The following PIK3C2G variants were observed in gnomAD, a reference collection of about 807,000 sequenced individuals.
The protein encoded by PIK3C2G is phosphatidylinositol 3-kinase C2 domain-containing subunit gamma.
Under a neutral mutation model 181.1 loss-of-function variants are expected in PIK3C2G, and 168 were observed. The ratio of observed to expected loss-of-function variants is 0.93; its 90% CI spans 0.82 to 1.05. PIK3C2G has a LOEUF of 1.05. PIK3C2G is among the 50% of genes least tolerant of loss of function. PIK3C2G has a pLI of 0.00. For synonymous variants in PIK3C2G, 573 were observed against 592.2 expected, an observed-to-expected ratio of 0.97 and a Z score of 0.47; for missense variants, 1,869 against 1,732.8, an observed-to-expected ratio of 1.08 and a Z score of -1.40.
At chr12:18,607,300 T>C (rs938712451) in intron 30 of PIK3C2G, 6 of 393,370 alleles carry the variant, frequency 1.5e-5, no homozygotes, top group Admixed American at 8.9e-5. Flanking sequence ...CGAATGAAAG[T>C]ATAGAATAGC....
At chr12:18,680,514 AG>A in the PIK3C2G span, among the ~76,000 whole-genome samples, 2 of 152,036 alleles carry the variant, frequency 1.3e-5, no homozygotes, top group African/African-American at 4.8e-5. Flanking sequence ...CCCAGACAAA[AG>A]TCCAGATAAG....
intron 16 of PIK3C2G, among the ~76,000 whole-genome samples, chr12:18,408,561 G>A (rs1944674176): frequency 6.6e-6 from 1 of 151,968 alleles, no homozygotes; most frequent in Non-Finnish European, 1.5e-5. Flanking sequence ...CAGACAAATG[G>A]GATCTAATTA....
chr12:18,451,874 G>A (rs1056297299), intron 18 of PIK3C2G, among the ~76,000 whole-genome samples: 3 of 152,110 alleles, frequency 2.0e-5, no homozygotes, highest in African/African-American at 7.2e-5. Context: ...GGATTATGTT[G>A]ATTGATTTGC....
At chr12:18,608,250 ATGCACACGTATGTTTAT>A (rs1565557754) in intron 30 of PIK3C2G, among the ~76,000 whole-genome samples, 2 of 152,136 alleles carry the variant, frequency 1.3e-5, no homozygotes, top group African/African-American at 4.8e-5. Context: ...ATAAAGACAC[ATGCACACGTATGTTTAT>A]TGCGGCACTA....
At chr12:18,608,808 C>A (rs1480456671) in intron 30 of PIK3C2G, among the ~76,000 whole-genome samples, 1 of 152,136 alleles carries the variant, frequency 6.6e-6, no homozygotes, top group African/African-American at 2.4e-5. Context: ...CAATGGAAAT[C>A]TCTGAAAGGC....
chr12:18,538,417 G>A (rs955609154), intron 25 of PIK3C2G, 105 bp downstream of exon 25: 69 of 869,718 alleles, frequency 7.9e-5, no homozygotes, highest in African/African-American at 3.6e-4. Context: ...GGAGCTATTC[G>A]GAAGAGAAAG....
chr12:18,491,354 C>G, intron 19 of PIK3C2G, 97 bp from the exon 20 acceptor site: 2 of 676,958 alleles, frequency 3.0e-6, no homozygotes, highest in Non-Finnish European at 5.1e-6. Context: ...ACCCTGAATT[C>G]AAGAATTCAT....
At chr12:18,308,899 G>T (rs1181120669) in intron 5 of PIK3C2G, among the ~76,000 whole-genome samples, 1 of 151,648 alleles carries the variant, frequency 6.6e-6, no homozygotes, top group Non-Finnish European at 1.5e-5. Flanking sequence ...TATGTGTTTA[G>T]AAATCTTTTA....
intron 31 of PIK3C2G, among the ~76,000 whole-genome samples, chr12:18,609,951 A>T (rs1948250258): frequency 6.6e-6 from 1 of 152,094 alleles, no homozygotes; most frequent in Admixed American, 6.6e-5. Context: ...GCTGGGTCCC[A>T]TATTTCCTTC....
At chr12:18,669,115 G>T in the PIK3C2G span, among the ~76,000 whole-genome samples, 2 of 152,138 alleles carry the variant, frequency 1.3e-5, no homozygotes, top group African/African-American at 4.8e-5. Flanking sequence ...ATAAACAACA[G>T]TTCATTTAAG....
the PIK3C2G span, among the ~76,000 whole-genome samples, chr12:18,686,765 G>A: frequency 2.4e-4 from 37 of 152,078 alleles, no homozygotes; most frequent in South Asian, 2.1e-3. Context: ...AGAAGAGTTC[G>A]TTGGTCCATA....
chr12:18,601,171 T>A (rs977595260), intron 30 of PIK3C2G, among the ~76,000 whole-genome samples: 39 of 152,034 alleles, frequency 2.6e-4, no homozygotes, highest in African/African-American at 8.9e-4. Context: ...ATAATACATA[T>A]TATCATATTG....
In PIK3C2G at chr12:18,637,183, C is replaced by T. The variant is rs552867288; in HGVS notation, c.4183-3246C>T. ...TCTGATTATATCCTTTCCCCTAGTG[C>T]ACAGTTTTCCTCGTAAAAACCCATA... On this transcript the variant is annotated intron_variant, in intron 31 of 32. Transcript: ENST00000538779. Among the ~76,000 whole-genome samples, 5 of 152,162 alleles carry T rather than the reference C, an allele frequency of 3.3e-5. No homozygotes were observed. The South Asian group carries it at 1.0e-3, about 32-fold the overall frequency.
At chr12:18,715,045 C>A in the PIK3C2G span, among the ~76,000 whole-genome samples, 1 of 151,262 alleles carries the variant, frequency 6.6e-6, no homozygotes, top group East Asian at 2.0e-4. Flanking sequence ...ATATGCAGTC[C>A]CTTTCTAGGG....
intron 1 of PIK3C2G, among the ~76,000 whole-genome samples, chr12:18,280,835 T>C (rs1294191459): frequency 6.6e-6 from 1 of 150,392 alleles, no homozygotes; most frequent in Non-Finnish European, 1.5e-5. Flanking sequence ...AAGCTTTAAA[T>C]GACAATTATG....
At chr12:18,560,504 T>C (rs1337079511) in intron 26 of PIK3C2G, among the ~76,000 whole-genome samples, 1 of 151,642 alleles carries the variant, frequency 6.6e-6, no homozygotes, top group African/African-American at 2.4e-5. Context: ...AAAGAAAACA[T>C]GATTTTACAA....
intron 1 of PIK3C2G, among the ~76,000 whole-genome samples, chr12:18,250,827 T>G (rs983370781): frequency 2.0e-5 from 3 of 152,028 alleles, no homozygotes; most frequent in African/African-American, 7.2e-5. Context: ...TTAATAAAAT[T>G]TATCTATAAA....
At chr12:18,524,007 C>T (rs111298411) in intron 24 of PIK3C2G, among the ~76,000 whole-genome samples, 1 of 152,272 alleles carries the variant, frequency 6.6e-6, no homozygotes, top group African/African-American at 2.4e-5. Flanking sequence ...TATGGCACCT[C>T]CACTGGCCAG....
chr12:18,582,639 G>C (rs1946562863), intron 29 of PIK3C2G, among the ~76,000 whole-genome samples: 1 of 152,194 alleles, frequency 6.6e-6, no homozygotes, highest in Admixed American at 6.5e-5. Context: ...GAACCTGGCA[G>C]GATGAGACCC....
Sources: gnomAD v4.1 joint callset for allele counts (sites outside exome capture counted in the v4.1 genomes callset) on GRCh38, gnomAD v4.1.1 for gene constraint, MANE v1.5 for transcripts, NCBI Gene and HGNC (gene_info 2026-07-23, HGNC 2026-07-21) for gene names.